The following PDE4D variants were observed in gnomAD, a reference collection of about 807,000 sequenced individuals.
PDE4D encodes phosphodiesterase 4D.
Under a neutral mutation model 87.4 loss-of-function variants are expected in PDE4D, and 24 were observed. The observed-to-expected ratio is 0.27, with a 90% CI of 0.20 to 0.39. The LOEUF (loss-of-function observed/expected upper bound fraction) is 0.39. Ranked by LOEUF, PDE4D falls within the 10% of genes least tolerant of loss-of-function variation. The pLI is 1.00. For synonymous variants in PDE4D, 384 were observed against 383.2 expected (o/e 1.00, Z -0.02); for missense variants, 714 against 1,041.0 (o/e 0.69, Z 4.32).
chr5:59,879,574 C>A (rs953130307), intron 1 of PDE4D, among the ~76,000 whole-genome samples: 1 of 152,120 alleles, frequency 6.6e-6, no homozygotes, highest in Non-Finnish European at 1.5e-5. Flanking sequence ...AATTTGTTTG[C>A]ATTTATTTTT....
intron 3 of PDE4D, among the ~76,000 whole-genome samples, chr5:59,947,603 G>A (rs934336361): frequency 2.6e-5 from 4 of 152,288 alleles, no homozygotes; most frequent in East Asian, 1.9e-4. Context: ...GCTGAAAGCC[G>A]ATAAGATCTT....
chr5:59,526,337 G>T (rs1382569230), intron 1 of PDE4D, among the ~76,000 whole-genome samples: 1 of 152,080 alleles, frequency 6.6e-6, no homozygotes, highest in East Asian at 1.9e-4. Flanking sequence ...GACAACTAAG[G>T]GACCATGAAG....
intron 1 of PDE4D, among the ~76,000 whole-genome samples, chr5:60,293,916 T>G (rs549548769): frequency 6.6e-6 from 1 of 152,380 alleles, no homozygotes; most frequent in East Asian, 1.9e-4. Context: ...ATATAATTTT[T>G]TATGTGTAAC....
intron 1 of PDE4D, among the ~76,000 whole-genome samples, chr5:59,762,190 ATGGGT>A (rs1376927522): frequency 7.1e-6 from 1 of 140,428 alleles, no homozygotes; most frequent in Non-Finnish European, 1.6e-5. Context: ...ATATATGTAT[ATGGGT>A]ACACATATGC....
chr5:59,907,947 A>G lies in PDE4D; in HGVS notation c.272+80541T>C, dbSNP rs533984410. Among the ~76,000 whole-genome samples, 21 of 152,000 alleles carry G rather than the reference A, an allele frequency of 1.4e-4. No individual in the cohort carries two copies. In the South Asian group the frequency reaches 4.0e-3, roughly 29 times the overall value. ...CCCAAGTCCTCATTCTTTTGTCACT[A>G]TTTGACCTCCCTCTTCCCTTTCAGA... On this transcript the variant is annotated intron_variant, in intron 3 of 16. Coordinates refer to the PDE4D transcript ENST00000502484.
chr5:60,071,827 A>C (rs1772751220), intron 2 of PDE4D, among the ~76,000 whole-genome samples: 1 of 152,138 alleles, frequency 6.6e-6, no homozygotes. Flanking sequence ...AGCTCTATCC[A>C]TGTTCCCGCA....
chr5:60,329,243 A>G (rs1462490019), intron 1 of PDE4D, among the ~76,000 whole-genome samples: 2 of 152,168 alleles, frequency 1.3e-5, no homozygotes, highest in Non-Finnish European at 2.9e-5. Flanking sequence ...TCATTGAATC[A>G]TGGGTGGGGG....
chr5:59,834,769 T>A (rs1741754456), intron 1 of PDE4D, among the ~76,000 whole-genome samples: 1 of 152,104 alleles, frequency 6.6e-6, no homozygotes, highest in Non-Finnish European at 1.5e-5. Context: ...TAGCTTGTAA[T>A]TAATGAACAG....
chr5:60,048,988 C>T (rs141634585), intron 2 of PDE4D, among the ~76,000 whole-genome samples: 2,865 of 152,286 alleles, frequency 0.019, 86 homozygotes, highest in African/African-American at 0.066. Flanking sequence ...TTCTCCCCGT[C>T]ACTTTCAGGT....
chr5:59,956,462 A>T (rs1581902842), intron 3 of PDE4D, among the ~76,000 whole-genome samples: 1 of 152,114 alleles, frequency 6.6e-6, no homozygotes, highest in African/African-American at 2.4e-5. Flanking sequence ...TAGCACCCAC[A>T]TACTCATTGT....
chr5:60,320,991 G>A (rs1756204772), intron 1 of PDE4D, among the ~76,000 whole-genome samples: 1 of 152,148 alleles, frequency 6.6e-6, no homozygotes. Flanking sequence ...GCAATTTACG[G>A]ATTCAATGCC....
chr5:59,147,956 G>A (rs1428675729), intron 5 of PDE4D, among the ~76,000 whole-genome samples: 2 of 152,036 alleles, frequency 1.3e-5, no homozygotes, highest in Non-Finnish European at 2.9e-5. Flanking sequence ...TACCATATTA[G>A]GCCTGCCAGA....
chr5:60,298,800 TA>T (rs1753643434), intron 1 of PDE4D, among the ~76,000 whole-genome samples: 1 of 152,214 alleles, frequency 6.6e-6, no homozygotes, highest in Non-Finnish European at 1.5e-5. Context: ...ATCAGTGGCA[TA>T]AAAGAAATTC....
chr5:59,495,604 G>A (rs186703970), intron 1 of PDE4D, among the ~76,000 whole-genome samples: 15 of 152,308 alleles, frequency 9.8e-5, no homozygotes, highest in Non-Finnish European at 2.1e-4. Context: ...CGATAGAGAA[G>A]AGACATAAAG....
intron 1 of PDE4D, among the ~76,000 whole-genome samples, chr5:60,473,764 C>G (rs1032454260): frequency 2.0e-5 from 3 of 151,684 alleles, no homozygotes; most frequent in Non-Finnish European, 4.4e-5. Context: ...CTACCATATG[C>G]TTTCACCTCT....
At chr5:59,806,487 T>C (rs1159547081) in intron 1 of PDE4D, among the ~76,000 whole-genome samples, 3 of 152,236 alleles carry the variant, frequency 2.0e-5, no homozygotes, top group African/African-American at 4.8e-5. Flanking sequence ...ACTGAAGGGC[T>C]AATGGAACAG....
chr5:59,348,955 C>A (rs962120048), intron 1 of PDE4D, among the ~76,000 whole-genome samples: 5 of 151,970 alleles, frequency 3.3e-5, no homozygotes, highest in Non-Finnish European at 7.4e-5. Context: ...GTAGGGTGCA[C>A]CTGTAGTCCT....
chr5:59,223,965 C>T (rs1446330408), intron 1 of PDE4D, among the ~76,000 whole-genome samples: 1 of 151,732 alleles, frequency 6.6e-6, no homozygotes, highest in African/African-American at 2.4e-5. Flanking sequence ...ACGTTTTACC[C>T]TTTGTTTTCA....
At chr5:59,762,349 CAT>C (rs1242373662) in intron 1 of PDE4D, among the ~76,000 whole-genome samples, 2 of 100,360 alleles carry the variant, frequency 2.0e-5, no homozygotes, top group South Asian at 3.1e-4. Context: ...TACACATATG[CAT>C]ATATGTGTAT....
Sources: allele counts gnomAD v4.1 joint callset (sites outside exome capture counted in the v4.1 genomes callset), GRCh38; gene constraint gnomAD v4.1.1; transcripts MANE v1.5; gene names NCBI Gene and HGNC (gene_info 2026-07-23, HGNC 2026-07-21).